Variants in ABCC8 observed in about 807,000 individuals in gnomAD.
ABCC8 encodes the protein ATP binding cassette subfamily C member 8.
ABCC8 carries 137 observed loss-of-function variants against 188.0 expected under a neutral mutation model. The ratio of observed to expected loss-of-function variants is 0.73; its 90% CI spans 0.63 to 0.84. The LOEUF (loss-of-function observed/expected upper bound fraction) is 0.84. ABCC8 is among the 40% of genes least tolerant of loss of function. The pLI is 0.00. For synonymous variants in ABCC8, 797 were observed against 846.5 expected, an observed-to-expected ratio of 0.94 and a Z score of 1.01; for missense variants, 1,750 against 2,072.7, an observed-to-expected ratio of 0.84 and a Z score of 3.02.
intron 3 of ABCC8, 34 bp downstream of exon 3, chr11:17,470,067 A>C: frequency 6.2e-7 from 1 of 1,609,802 alleles, no homozygotes; most frequent in South Asian, 1.1e-5. Context: ...GAAATGAATG[A>C]AGGTACTGCC....
intron 16 of ABCC8, among the ~76,000 whole-genome samples, chr11:17,424,439 G>A (rs1419027729): frequency 3.3e-5 from 5 of 152,222 alleles, no homozygotes; most frequent in East Asian, 1.9e-4. Flanking sequence ...AGTCAGACCC[G>A]GAGGGTTGGC....
chr11:17,415,500 G>A, intron 17 of ABCC8, 161 bp from the exon 18 acceptor site: 1 of 963,016 alleles, frequency 1.0e-6, no homozygotes, highest in African/African-American at 1.8e-5. Context: ...GGAGAGTGGG[G>A]TGTGCCCATC....
intron 13 of ABCC8, 29 bp downstream of exon 13, chr11:17,428,536 G>A: frequency 1.2e-6 from 2 of 1,613,548 alleles, no homozygotes; most frequent in Non-Finnish European, 1.7e-6. Context: ...GACCATGCTG[G>A]GAGTAGCAAG....
rs182670086 is a variant in ABCC8, at chr11:17,427,702, C to T, written c.2116+165G>A. ...TAGTGCTTCACTCCCACCCAGCACA[C>T]GGAAGCCTCTAGAATGTAGCCTTCC... On this transcript the variant is annotated intron_variant, in intron 15 of 38. Transcript: ENST00000389817. The surrounding 1 kb of genome is among the most constrained non-coding windows in gnomAD (Gnocchi z 5.0). 8.5e-5 allele frequency among the ~76,000 whole-genome samples: 13 copies of T among 152,346 alleles called. No homozygotes were observed. The highest frequency in any genetic ancestry group is 1.9e-4 in the East Asian group (1 of 5,188).
At chr11:17,434,387 T>A (rs1955986079) in intron 10 of ABCC8, among the ~76,000 whole-genome samples, 1 of 152,248 alleles carries the variant, frequency 6.6e-6, no homozygotes, top group African/African-American at 2.4e-5. Flanking sequence ...AGTTCAGACC[T>A]TCTGATCCTA....
intron 24 of ABCC8, 88 bp from the exon 25 acceptor site, chr11:17,407,217 G>T (rs751539455): frequency 1.6e-5 from 25 of 1,605,320 alleles, no homozygotes; most frequent in South Asian, 2.2e-5. Flanking sequence ...TTACTGAGGG[G>T]ACAACGGGGG....
At chr11:17,463,220 C>T (rs1039331708) in intron 4 of ABCC8, among the ~76,000 whole-genome samples, 13 of 152,206 alleles carry the variant, frequency 8.5e-5, no homozygotes, top group Non-Finnish European at 1.6e-4. Context: ...CATCACCCCC[C>T]TCTCCCTCTG....
chr11:17,428,877 A>G, intron 12 of ABCC8: 1 of 861,624 alleles, frequency 1.2e-6, no homozygotes. Flanking sequence ...CAGCTGGAAT[A>G]GGCTGGGGTC....
chr11:17,418,730 C>T (rs1039483577), intron 16 of ABCC8, among the ~76,000 whole-genome samples: 1 of 152,138 alleles, frequency 6.6e-6, no homozygotes, highest in Non-Finnish European at 1.5e-5. Flanking sequence ...AATTAGCCCT[C>T]ATAATGGACT....
At chr11:17,412,078 G>C (rs1954837493) in intron 21 of ABCC8, among the ~76,000 whole-genome samples, 1 of 151,970 alleles carries the variant, frequency 6.6e-6, no homozygotes, top group South Asian at 2.1e-4. Context: ...ATTTTTAGTA[G>C]AGACGGGGTT....
intron 3 of ABCC8, chr11:17,465,332 T>G (rs1466396826): frequency 6.6e-6 from 1 of 152,230 alleles, no homozygotes; most frequent in East Asian, 1.9e-4. Context: ...GTCTTGTCCC[T>G]AACACTTAAC....
intron 10 of ABCC8, among the ~76,000 whole-genome samples, chr11:17,436,701 T>C (rs1956111282): frequency 6.6e-6 from 1 of 152,260 alleles, no homozygotes; most frequent in African/African-American, 2.4e-5. Context: ...TAGGCTGGCC[T>C]GAAAGGCTGC....
intron 14 of ABCC8, 89 bp from the exon 15 acceptor site, chr11:17,428,031 A>T: frequency 6.3e-7 from 1 of 1,585,940 alleles, no homozygotes; most frequent in Non-Finnish European, 8.6e-7. Context: ...CCTCCATGAA[A>T]GCCAAAAGAC....
At position 17,415,430 on chromosome 11, in the gene ABCC8, G is replaced by C. The variant is rs1276046464; in HGVS notation, c.2256-91C>G. On this transcript the variant is annotated intron_variant, in intron 17 of 38. Transcript: ENST00000389817. ...CTGAGCTCCCTCCAACCCAACATGA[G>C]CATGCCTTTACAATCCCCTGGACCC... The C allele has an allele frequency of 3.2e-6, 5 of 1,557,934 alleles. No individual in the cohort carries two copies. The East Asian group carries it at 1.2e-4, about 37-fold the overall frequency.
At chr11:17,431,032 A>G in intron 11 of ABCC8, 73 bp from the exon 12 acceptor site, 1 of 1,582,862 alleles carries the variant, frequency 6.3e-7, no homozygotes. Context: ...AACGCTCAGC[A>G]CTGGAAGGGA....
In ABCC8 at chr11:17,394,347, C is replaced by T. The variant is rs374880588; in HGVS notation, c.4464G>A (p.Leu1488=). 36 of 1,614,004 alleles carry T rather than the reference C, an allele frequency of 2.2e-5. No individual in the cohort carries two copies. The African/African-American group carries it at 4.3e-4, about 19-fold the overall frequency. Reference sequence around the variant, plus strand: ...TCACGAAGGCCCGGGCCAGGCAGAACAGCTGCCTCTGTCCCTGGCTGAAAT... The same window carrying T: ...TCACGAAGGCCCGGGCCAGGCAGAATAGCTGCCTCTGTCCCTGGCTGAAAT... The part of the protein sequence containing the change: ...GENFSQGQRQ[L]FCLARAFVRK... Residue 1488 remains leucine, a synonymous_variant, in exon 37 of 39, where the codon CTG becomes CTA. Transcript: ENST00000389817.
Position 17,436,826 on chromosome 11 carries a change from C to T in ABCC8, c.1631-4582G>A, listed in dbSNP as rs140300043. The stretch of plus-strand genomic sequence containing the variant: ...ATTCAAGGCTGGGCACAGTGGCTCA[C>T]GCCTGTAATCCCAGCACTCTGGGAG... On this transcript the variant is annotated intron_variant, in intron 10 of 38. Transcript: ENST00000389817. Among the ~76,000 whole-genome samples the T allele has an allele frequency of 2.2e-4, 33 of 152,258 alleles. 1 individual carries two copies. Among genetic ancestry groups the T allele is most frequent in the African/African-American group, 6.5e-4 (27 of 41,566 alleles).
At chr11:17,473,148 C>T (rs1242109051) in intron 2 of ABCC8, among the ~76,000 whole-genome samples, 1 of 152,188 alleles carries the variant, frequency 6.6e-6, no homozygotes, top group Non-Finnish European at 1.5e-5. Context: ...AGCAGCAGTG[C>T]TCACTGAAGA....
intron 3 of ABCC8, among the ~76,000 whole-genome samples, chr11:17,466,330 C>T (rs1475579188): frequency 7.0e-6 from 1 of 143,608 alleles, no homozygotes; most frequent in Non-Finnish European, 1.5e-5. Context: ...ACCAGAGAAG[C>T]AGAGGTTGCG....
Sources: allele counts gnomAD v4.1 joint callset (sites outside exome capture counted in the v4.1 genomes callset), GRCh38; gene constraint gnomAD v4.1.1; non-coding constraint Gnocchi (gnomAD v3.1); transcripts MANE v1.5; gene names NCBI Gene and HGNC (gene_info 2026-07-23, HGNC 2026-07-21).